Variants in ASIC2 observed in about 807,000 individuals in gnomAD.
ASIC2 encodes the protein acid-sensing ion channel 2.
A neutral mutation model predicts 57.3 loss-of-function variants in ASIC2; 25 were observed. The ratio of observed to expected loss-of-function variants is 0.44; its 90% CI spans 0.32 to 0.61. The LOEUF (loss-of-function observed/expected upper bound fraction) is 0.61. Among genes scored for constraint, ASIC2 ranks in the 20% least tolerant of loss-of-function variants. The pLI, the probability that ASIC2 is intolerant of heterozygous loss-of-function variation, is 0.06. For synonymous variants in ASIC2, 319 were observed against 307.5 expected (o/e 1.04, Z -0.39); for missense variants, 641 against 738.1 (o/e 0.87, Z 1.52).
At position 34,056,973 on chromosome 17, in the gene ASIC2, T is replaced by G. The variant is rs530184053; in HGVS notation, c.555+99005A>C. ...CCTGGGGGAAATGTCAAAGAGTGGATTAGACAGATAATCAATGTATAATAG... is the reference window on the plus strand; with the variant it reads ...CCTGGGGGAAATGTCAAAGAGTGGAGTAGACAGATAATCAATGTATAATAG... On this transcript the variant is annotated intron_variant, in intron 1 of 9. Coordinates refer to the ASIC2 transcript ENST00000359872. Among the ~76,000 whole-genome samples, 4 of 152,342 alleles carry G rather than the reference T, an allele frequency of 2.6e-5. No individual in the cohort carries two copies. In the South Asian group the frequency reaches 8.3e-4, roughly 32 times the overall value.
chr17:34,113,639 C>T (rs189606801), intron 1 of ASIC2, among the ~76,000 whole-genome samples: 7 of 150,712 alleles, frequency 4.6e-5, no homozygotes, highest in South Asian at 2.1e-4. Context: ...ACACTTTAGG[C>T]GGCCAAGGCA....
chr17:33,067,879 G>A (rs1276455485), intron 3 of ASIC2, among the ~76,000 whole-genome samples: 1 of 152,190 alleles, frequency 6.6e-6, no homozygotes, highest in Admixed American at 6.5e-5. Context: ...CTTCTTTAAT[G>A]CATCATCAAC....
At chr17:33,070,390 G>A (rs1035089309) in intron 3 of ASIC2, among the ~76,000 whole-genome samples, 2 of 149,522 alleles carry the variant, frequency 1.3e-5, no homozygotes, top group Non-Finnish European at 3.0e-5. Flanking sequence ...CCAGGCTGGA[G>A]TCAGTGGTGT....
intron 1 of ASIC2, among the ~76,000 whole-genome samples, chr17:33,704,522 T>C (rs1908804605): frequency 1.3e-5 from 2 of 152,234 alleles, no homozygotes; most frequent in Admixed American, 6.5e-5. Flanking sequence ...ACCTAACTTA[T>C]AAAATATATT....
At chr17:34,031,405 A>T (rs1907606193) in intron 1 of ASIC2, among the ~76,000 whole-genome samples, 1 of 152,154 alleles carries the variant, frequency 6.6e-6, no homozygotes, top group Admixed American at 6.5e-5. Context: ...AACCACAAAG[A>T]TGGGAAAAAA....
At chr17:33,127,532 A>C (rs1263858758) in intron 1 of ASIC2, among the ~76,000 whole-genome samples, 5 of 152,206 alleles carry the variant, frequency 3.3e-5, no homozygotes, top group Non-Finnish European at 7.3e-5. Flanking sequence ...GCTGCCAATT[A>C]ATGATATGAG....
intron 1 of ASIC2, among the ~76,000 whole-genome samples, chr17:33,817,701 C>G (rs1194850633): frequency 1.3e-5 from 2 of 152,118 alleles, no homozygotes; most frequent in African/African-American, 4.8e-5. Flanking sequence ...TTAATACAAC[C>G]ATATTTATTT....
intron 1 of ASIC2, among the ~76,000 whole-genome samples, chr17:34,101,011 C>T (rs1439018872): frequency 3.9e-5 from 6 of 152,206 alleles, no homozygotes; most frequent in Non-Finnish European, 5.9e-5. Context: ...ATAGAACCTA[C>T]TTCATAGAGT....
intron 1 of ASIC2, among the ~76,000 whole-genome samples, chr17:33,648,144 T>A (rs1371835612): frequency 6.6e-6 from 1 of 152,112 alleles, no homozygotes; most frequent in Non-Finnish European, 1.5e-5. Flanking sequence ...ATGAACAGAG[T>A]CCAGTGGAGC....
At position 33,249,698 on chromosome 17, in the gene ASIC2, G is replaced by A. The variant is rs571206724; in HGVS notation, c.708+41710C>T. Among the ~76,000 whole-genome samples the A allele has an allele frequency of 4.9e-4, 74 of 152,328 alleles. 1 individual carries two copies. In the South Asian group the frequency reaches 9.5e-3, roughly 20 times the overall value. On this transcript the variant is annotated intron_variant, in intron 1 of 9. Transcript: ENST00000225823. ...CCTTCCCTCTGGGCACATGTGGCAG[G>A]TGTCTGCTCACTCTGGAGGCCTCTT... is the stretch of plus-strand genomic sequence containing the variant.
At chr17:33,614,182 G>C (rs981152770) in intron 1 of ASIC2, among the ~76,000 whole-genome samples, 2 of 152,156 alleles carry the variant, frequency 1.3e-5, no homozygotes, top group Non-Finnish European at 2.9e-5. Flanking sequence ...TTAAGGATGG[G>C]TGTCCTTATT....
intron 1 of ASIC2, among the ~76,000 whole-genome samples, chr17:33,614,971 G>A (rs536482889): frequency 3.1e-4 from 47 of 152,314 alleles, no homozygotes; most frequent in Non-Finnish European, 6.2e-4. Context: ...TAGGCTTGCT[G>A]TGTCTGTCAA....
At chr17:33,856,044 G>A (rs927952024) in intron 1 of ASIC2, among the ~76,000 whole-genome samples, 2 of 152,098 alleles carry the variant, frequency 1.3e-5, no homozygotes, top group African/African-American at 2.4e-5. Context: ...GGGAGAAGGA[G>A]GAAGAGAGAA....
At chr17:33,034,604 A>G (rs937947913) in intron 3 of ASIC2, among the ~76,000 whole-genome samples, 7 of 152,172 alleles carry the variant, frequency 4.6e-5, no homozygotes, top group African/African-American at 1.4e-4. Context: ...ATAGAATTCT[A>G]GGTTGATAAG....
At chr17:33,728,297 G>A (rs1198368849) in intron 1 of ASIC2, among the ~76,000 whole-genome samples, 1 of 152,036 alleles carries the variant, frequency 6.6e-6, no homozygotes, top group Admixed American at 6.6e-5. Flanking sequence ...ACAGCATAAG[G>A]GACCTCCAGA....
At chr17:33,213,486 A>G (rs912548392) in intron 1 of ASIC2, among the ~76,000 whole-genome samples, 1 of 152,228 alleles carries the variant, frequency 6.6e-6, no homozygotes. Context: ...CCTTGCAACA[A>G]TGATGAGACA....
chr17:33,579,179 G>A (rs1205213961), intron 1 of ASIC2, among the ~76,000 whole-genome samples: 1 of 151,740 alleles, frequency 6.6e-6, no homozygotes, highest in East Asian at 1.9e-4. Flanking sequence ...CCAGCTACTT[G>A]AGAGGCTGAG....
At chr17:33,646,621 A>G (rs1286743426) in intron 1 of ASIC2, among the ~76,000 whole-genome samples, 1 of 152,210 alleles carries the variant, frequency 6.6e-6, no homozygotes, top group Non-Finnish European at 1.5e-5. Flanking sequence ...TTTGAATTCC[A>G]GGTATTGGAA....
intron 1 of ASIC2, among the ~76,000 whole-genome samples, chr17:33,846,730 T>C (rs1005551614): frequency 1.4e-5 from 2 of 144,568 alleles, no homozygotes; most frequent in Non-Finnish European, 2.9e-5. Context: ...TGATAACTTT[T>C]TTTTTTTTTT....
Sources: allele counts gnomAD v4.1 joint callset (sites outside exome capture counted in the v4.1 genomes callset), GRCh38; gene constraint gnomAD v4.1.1; transcripts MANE v1.5; gene names NCBI Gene and HGNC (gene_info 2026-07-23, HGNC 2026-07-21).